FAM240B: variants seen among roughly 807,000 people sequenced by gnomAD.
FAM240B encodes protein FAM240B.
At chr9:38,715,940 T>C (rs1821299417) in intron 1 of FAM240B, among the ~76,000 whole-genome samples, 1 of 152,218 alleles carries the variant, frequency 6.6e-6, no homozygotes, top group South Asian at 2.1e-4. Context: ...ACTGCAGTTT[T>C]ATTGGTCACA....
In FAM240B at chr9:38,695,904, T is replaced by A. The variant is rs550219414; in HGVS notation, c.144-1035A>T. 2.0e-5 allele frequency among the ~76,000 whole-genome samples: 3 copies of A among 152,362 alleles called. No individual in the cohort carries two copies. The South Asian group carries it at 6.2e-4, about 32-fold the overall frequency. Reference sequence around the variant, plus strand: ...ATAAATACGCAGTAATGTGGCCAGTTGATTTTTCACAAGGGGTTAAGGCTA... The same window carrying A: ...ATAAATACGCAGTAATGTGGCCAGTAGATTTTTCACAAGGGGTTAAGGCTA... On this transcript the variant is annotated intron_variant, in intron 2 of 2. Transcript: ENST00000637493.
chr9:38,710,302 T>G (rs1821239850), intron 1 of FAM240B, among the ~76,000 whole-genome samples: 2 of 152,286 alleles, frequency 1.3e-5, no homozygotes, highest in South Asian at 4.2e-4. Context: ...AAACCTGAGA[T>G]TCTCTCAGAA....
intron 1 of FAM240B, among the ~76,000 whole-genome samples, chr9:38,717,771 T>C (rs536143759): frequency 6.6e-5 from 10 of 152,200 alleles, no homozygotes; most frequent in African/African-American, 2.2e-4. Context: ...CGTGAGCCAC[T>C]GCTCCCGGCC....
At chr9:38,696,816 A>G (rs1821075591) in intron 2 of FAM240B, among the ~76,000 whole-genome samples, 2 of 152,310 alleles carry the variant, frequency 1.3e-5, no homozygotes, top group East Asian at 3.9e-4. Flanking sequence ...ACCGTCTCAA[A>G]AATTAAAAAA....
At chr9:38,695,437 A>G (rs1821059110) in intron 2 of FAM240B, among the ~76,000 whole-genome samples, 1 of 152,220 alleles carries the variant, frequency 6.6e-6, no homozygotes, top group South Asian at 2.1e-4. Flanking sequence ...AGATGGGAGA[A>G]TGGCGTGAAC....
intron 1 of FAM240B, among the ~76,000 whole-genome samples, chr9:38,718,920 T>G (rs116014626): frequency 0.011 from 1,688 of 152,312 alleles, 37 homozygotes; most frequent in African/African-American, 0.038. Context: ...TTTTATGAAT[T>G]TCATTCACTT....
At chr9:38,695,683 G>T (rs1225035028) in intron 2 of FAM240B, among the ~76,000 whole-genome samples, 1 of 152,184 alleles carries the variant, frequency 6.6e-6, no homozygotes, top group African/African-American at 2.4e-5. Context: ...ATCCCAGCAA[G>T]AATTTTCTGT....
intron 1 of FAM240B, among the ~76,000 whole-genome samples, chr9:38,716,920 T>C (rs565177015): frequency 1.6e-4 from 25 of 152,312 alleles, no homozygotes; most frequent in African/African-American, 5.3e-4. Context: ...TGAGTGAGAA[T>C]AGAATTGTGG....
intron 1 of FAM240B, among the ~76,000 whole-genome samples, 170 bp downstream of exon 1, chr9:38,719,851 CT>C (rs1275002935): frequency 6.6e-6 from 1 of 152,310 alleles, no homozygotes; most frequent in South Asian, 2.1e-4. Flanking sequence ...AAAAAATCTA[CT>C]GGCCCATCTG....
At position 38,694,959 on chromosome 9, in the gene FAM240B, A is replaced by T. The variant is rs146962123; in HGVS notation, c.144-90T>A. 2.8e-3 allele frequency: 1,095 copies of T among 397,744 alleles called. 4 individuals are homozygous for T. Among genetic ancestry groups the T allele is most frequent in the African/African-American group, 9.2e-3 (447 of 48,720 alleles). 24.6% of individuals were successfully genotyped at this position (397,744 alleles called of 1,614,324 possible). A position where few individuals can be genotyped will look rare whatever the true frequency, so the allele number is the denominator to read the frequency against. ...CGTGGCTTTGTTTTTCTTCTCCAAG[A>T]TATTTTTAAAAGAAACCCATTGTGT... On this transcript the variant is annotated intron_variant, in intron 2 of 2. Coordinates refer to ENST00000637493, the MANE Select transcript of FAM240B (RefSeq NM_001394922.1).
At chr9:38,719,947 T>C (rs1821352579) in intron 1 of FAM240B, 75 bp downstream of exon 1, 1 of 151,846 alleles carries the variant, frequency 6.6e-6, no homozygotes, top group Non-Finnish European at 1.5e-5. Flanking sequence ...ATATAAGGGG[T>C]GATGTCTGTT....
intron 1 of FAM240B, among the ~76,000 whole-genome samples, chr9:38,714,493 G>C (rs1037061179): frequency 6.6e-6 from 1 of 152,214 alleles, no homozygotes; most frequent in African/African-American, 2.4e-5. Flanking sequence ...CCTTCAGTCT[G>C]GGATGACTTG....
chr9:38,697,602 A>G (rs757606379), intron 2 of FAM240B, among the ~76,000 whole-genome samples: 3 of 152,272 alleles, frequency 2.0e-5, no homozygotes, highest in Non-Finnish European at 4.4e-5. Context: ...AAATGTAGAC[A>G]TTATTAAAAG....
intron 1 of FAM240B, among the ~76,000 whole-genome samples, chr9:38,706,692 G>C (rs910384898): frequency 6.6e-6 from 1 of 152,166 alleles, no homozygotes; most frequent in Non-Finnish European, 1.5e-5. Context: ...GCGCCGTGGA[G>C]CCTCTGGAAT....
At chr9:38,696,176 G>A (rs1249684154) in intron 2 of FAM240B, among the ~76,000 whole-genome samples, 1 of 152,080 alleles carries the variant, frequency 6.6e-6, no homozygotes, top group African/African-American at 2.4e-5. Context: ...CATATTACAG[G>A]AAAATCAGAA....
intron 2 of FAM240B, among the ~76,000 whole-genome samples, chr9:38,696,792 C>T (rs955237238): frequency 3.3e-5 from 5 of 152,126 alleles, no homozygotes; most frequent in Middle Eastern, 3.4e-3. Context: ...CCAGCTTGGG[C>T]GACAGACGGA....
chr9:38,718,340 C>T (rs1203247896), intron 1 of FAM240B, among the ~76,000 whole-genome samples: 1 of 152,172 alleles, frequency 6.6e-6, no homozygotes, highest in Non-Finnish European at 1.5e-5. Flanking sequence ...AGCATAATTC[C>T]ATATTGCCTT....
At chr9:38,701,894 GA>G in intron 2 of FAM240B, among the ~76,000 whole-genome samples, 1 of 141,412 alleles carries the variant, frequency 7.1e-6, no homozygotes, top group Admixed American at 7.0e-5. Context: ...AGAAACTTTG[GA>G]AAAAATAGGA....
At position 38,720,040 on chromosome 9, in the gene FAM240B, G is replaced by GTT. The variant is rs1457164341; in HGVS notation, c.-23_-22insAA. The GTT allele has an allele frequency of 3.4e-4, 37 of 108,324 alleles. No homozygotes were observed. Among genetic ancestry groups the GTT allele is most frequent in the African/African-American group, 1.3e-3 (36 of 27,766 alleles). The allele number at this position is 108,324 out of a possible 1,614,324, so 6.7% of individuals were successfully genotyped here. On this transcript the variant is annotated 5_prime_UTR_variant, in exon 1 of 3. Coordinates refer to ENST00000637493, the MANE Select transcript of FAM240B (RefSeq NM_001394922.1). ...ACTGTACCTTAAAGATGAATTTGCA[G>GTT]GTGATACCCGGCTAGGGTGCAAAGG...
Sources: gnomAD v4.1 joint callset for allele counts (sites outside exome capture counted in the v4.1 genomes callset) on GRCh38, gnomAD v4.1.1 for gene constraint, MANE v1.5 for transcripts, NCBI Gene and HGNC (gene_info 2026-07-23, HGNC 2026-07-21) for gene names.